Variants in PRKN observed in about 807,000 individuals in gnomAD.
PRKN encodes parkin RBR E3 ubiquitin protein ligase, also known as E3 ubiquitin-protein ligase parkin.
In PRKN, 56 loss-of-function variants were observed where a neutral mutation model predicts 59.5. The observed-to-expected ratio is 0.94, with a 90% CI of 0.76 to 1.18. The LOEUF (loss-of-function observed/expected upper bound fraction) is 1.18. Among genes scored for constraint, PRKN ranks in the 50% most tolerant of loss-of-function variants. The probability of loss-of-function intolerance (pLI) is 0.00; values close to 1 mark genes in which losing one functional copy is unlikely to be tolerated. For synonymous variants in PRKN, 250 were observed against 222.1 expected (o/e 1.13, Z -1.12); for missense variants, 657 against 596.4 (o/e 1.10, Z -1.06).
intron 3 of PRKN, among the ~76,000 whole-genome samples, chr6:162,208,483 T>C (rs1414944145): frequency 1.3e-5 from 2 of 152,228 alleles, no homozygotes; most frequent in Non-Finnish European, 2.9e-5. Flanking sequence ...AAACTGCTGA[T>C]TAAATCTAAT....
intron 7 of PRKN, among the ~76,000 whole-genome samples, chr6:161,706,574 G>A (rs2128180867): frequency 6.7e-6 from 1 of 148,826 alleles, no homozygotes; most frequent in South Asian, 2.2e-4. Context: ...ATTGGAACCT[G>A]TGCTTGCAGT....
intron 3 of PRKN, among the ~76,000 whole-genome samples, chr6:162,230,132 A>T (rs888876729): frequency 2.0e-5 from 3 of 152,234 alleles, no homozygotes; most frequent in Admixed American, 6.5e-5. Context: ...CATAACTTTG[A>T]ATAGCAAGGT....
In PRKN at chr6:161,391,112, G is replaced by A. The variant is rs1259516365; in HGVS notation, c.1084-4235C>T. The stretch of plus-strand genomic sequence containing the variant: ...CTGTTTCTAGAGAAAAAGCTTGCCG[G>A]GGAAGAAAGCAGACCTAGCTCCAAC... On this transcript the variant is annotated intron_variant, in intron 9 of 11. Transcript: ENST00000366898. This position sits in a 1 kb window ranked among gnomAD's most constrained non-coding sequence, Gnocchi z 4.9. Among the ~76,000 whole-genome samples, 1 of 152,116 alleles carries A rather than the reference G, an allele frequency of 6.6e-6. No individual in the cohort carries two copies. The highest frequency in any genetic ancestry group is 1.5e-5 in the Non-Finnish European group (1 of 68,042).
At chr6:161,994,451 C>T (rs966472281) in intron 5 of PRKN, among the ~76,000 whole-genome samples, 5 of 152,038 alleles carry the variant, frequency 3.3e-5, no homozygotes, top group African/African-American at 1.2e-4. Context: ...TCCAATTCAA[C>T]ATAGTACTGA....
intron 1 of PRKN, among the ~76,000 whole-genome samples, chr6:162,494,608 T>C (rs1232127128): frequency 6.6e-6 from 1 of 152,202 alleles, no homozygotes; most frequent in African/African-American, 2.4e-5. Flanking sequence ...ATCAGACATA[T>C]GTGGGTTGGA....
intron 5 of PRKN, among the ~76,000 whole-genome samples, chr6:162,039,000 C>CA (rs563695660): frequency 6.6e-6 from 1 of 151,942 alleles, no homozygotes; most frequent in South Asian, 2.1e-4. Context: ...TAAAAAAATA[C>CA]AAAAAATGAG....
In PRKN at chr6:162,530,989, G is replaced by A. The variant is rs577318153; in HGVS notation, c.8-87516C>T. On this transcript the variant is annotated intron_variant, in intron 1 of 11. Coordinates refer to ENST00000366898, the MANE Select transcript of PRKN (RefSeq NM_004562.3). ...GGAGAATTGCTTGAACCCGGGAGGC[G>A]GAGATTGCAGTAAACCAAGATCACA... 5.5e-3 allele frequency among the ~76,000 whole-genome samples: 808 copies of A among 146,018 alleles called. 4 individuals carry two copies. Among genetic ancestry groups the A allele is most frequent in the African/African-American group, 8.4e-3 (336 of 40,008 alleles).
chr6:161,888,582 A>C (rs1009622636), intron 6 of PRKN, among the ~76,000 whole-genome samples: 2 of 152,188 alleles, frequency 1.3e-5, no homozygotes, highest in African/African-American at 2.4e-5. Context: ...GGCATGGGGA[A>C]CTATATTTAC....
intron 7 of PRKN, among the ~76,000 whole-genome samples, chr6:161,617,847 T>C (rs1349636273): frequency 6.6e-6 from 1 of 152,240 alleles, no homozygotes; most frequent in Non-Finnish European, 1.5e-5. Context: ...TCGGAAGATA[T>C]GGCCTGGGCC....
At chr6:162,429,349 T>A (rs1789398448) in intron 2 of PRKN, among the ~76,000 whole-genome samples, 1 of 152,270 alleles carries the variant, frequency 6.6e-6, no homozygotes. Context: ...AAAGGGACCT[T>A]GTCTGTCTTA....
chr6:161,418,980 C>T (rs879330166), intron 9 of PRKN, among the ~76,000 whole-genome samples: 1 of 152,106 alleles, frequency 6.6e-6, no homozygotes, highest in East Asian at 1.9e-4. Context: ...CAGAAACAAT[C>T]GTATATCATA....
At chr6:161,699,044 A>G (rs929249767) in intron 7 of PRKN, among the ~76,000 whole-genome samples, 1 of 152,176 alleles carries the variant, frequency 6.6e-6, no homozygotes, top group Non-Finnish European at 1.5e-5. Flanking sequence ...ACTCAATAAT[A>G]AAAGTGTAAT....
chr6:161,462,098 G>A lies in PRKN; in HGVS notation c.1084-75221C>T, dbSNP rs1039596208. On this transcript the variant is annotated intron_variant, in intron 9 of 11. Transcript: ENST00000366898. The surrounding 1 kb of genome is among the most constrained non-coding windows in gnomAD (Gnocchi z 4.5). The stretch of plus-strand genomic sequence containing the variant: ...GGAACAGTCAACAGTGCCAAATGCC[G>A]CCACCTGCAATGAGCGGGGACTCAC... Among the ~76,000 whole-genome samples, 18 of 152,280 alleles carry A rather than the reference G, an allele frequency of 1.2e-4. No individual in the cohort carries two copies. The highest frequency in any genetic ancestry group is 5.8e-4 in the East Asian group (3 of 5,178).
intron 1 of PRKN, among the ~76,000 whole-genome samples, chr6:162,515,824 G>C (rs1562348279): frequency 6.6e-6 from 1 of 152,126 alleles, no homozygotes; most frequent in African/African-American, 2.4e-5. Context: ...AGAAGACTGA[G>C]TTCTTCTTTC....
In PRKN at chr6:161,386,872, G is replaced by C; in HGVS notation, c.1089C>G (p.Ala363=). 1.2e-6 allele frequency: 2 copies of C among 1,613,714 alleles called. No individual in the cohort carries two copies. Among genetic ancestry groups the C allele is most frequent in the South Asian group, 2.2e-5 (2 of 91,076 alleles). Residue 363 remains alanine (A), a synonymous_variant, in exon 10 of 12, where the codon GCC becomes GCG. Transcript: ENST00000366898. The surrounding 1 kb of genome is among the most constrained non-coding windows in gnomAD (Gnocchi z 4.3). ...EGGNGLGCGF[A]FCRECKEAYH... ...ACGCTTCTTTACATTCCCGGCAGAA[G>C]GCAAACTGCAAAAGAACACACATCC...
At chr6:162,020,863 G>A (rs1173602677) in intron 5 of PRKN, among the ~76,000 whole-genome samples, 1 of 151,794 alleles carries the variant, frequency 6.6e-6, no homozygotes, top group African/African-American at 2.4e-5. Context: ...CCAGCACTTT[G>A]GGAAGCCAAG....
intron 1 of PRKN, among the ~76,000 whole-genome samples, chr6:162,505,623 C>T (rs62428858): frequency 0.32 from 49,310 of 151,882 alleles, 8,494 homozygotes; most frequent in Middle Eastern, 0.39. Context: ...AGCAACTATA[C>T]AATACAATTA....
At chr6:161,783,830 T>C (rs112858327) in intron 7 of PRKN, 7 of 349,666 alleles carry the variant, frequency 2.0e-5, no homozygotes, top group African/African-American at 1.5e-4. Context: ...TAACATATAT[T>C]ATGTGAATCT....
intron 4 of PRKN, among the ~76,000 whole-genome samples, chr6:162,171,935 G>A (rs1298834887): frequency 2.0e-5 from 3 of 152,158 alleles, no homozygotes; most frequent in Admixed American, 2.0e-4. Context: ...GCTGATGATA[G>A]CCTGCCACTA....
Sources: gnomAD v4.1 joint callset for allele counts (sites outside exome capture counted in the v4.1 genomes callset) on GRCh38, gnomAD v4.1.1 for gene constraint, Gnocchi (gnomAD v3.1) non-coding constraint, MANE v1.5 for transcripts, NCBI Gene and HGNC (gene_info 2026-07-23, HGNC 2026-07-21) for gene names.